Variants in ITSN1 observed in about 807,000 individuals in gnomAD.
ITSN1 encodes the protein intersectin-1.
ITSN1 carries 58 observed loss-of-function variants against 239.8 expected under a neutral mutation model. The observed-to-expected ratio is 0.24, with a 90% CI of 0.20 to 0.30. The LOEUF is 0.30. Ranked by LOEUF, ITSN1 falls within the 10% of genes least tolerant of loss-of-function variation. The pLI is 1.00. For synonymous variants in ITSN1, 780 were observed against 770.8 expected (o/e 1.01, Z -0.20); for missense variants, 1,558 against 2,103.3 (o/e 0.74, Z 5.07).
intron 1 of ITSN1, among the ~76,000 whole-genome samples, chr21:33,678,269 C>T (rs2090718549): frequency 2.0e-5 from 3 of 152,150 alleles, no homozygotes; most frequent in Non-Finnish European, 4.4e-5. Context: ...CTTGACTATC[C>T]CCAGGCACAT....
intron 21 of ITSN1, among the ~76,000 whole-genome samples, chr21:33,813,416 G>A (rs1054592615): frequency 6.6e-6 from 1 of 150,836 alleles, no homozygotes; most frequent in African/African-American, 2.4e-5. Flanking sequence ...ACAGTGATGC[G>A]ATCCTGGCTC....
Position 33,799,890 on chromosome 21 carries a change from C to T in ITSN1, c.2265C>T (p.Ser755=). 6.2e-7 allele frequency: 1 copy of T among 1,613,924 alleles called. No individual in the cohort carries two copies. The highest frequency in any genetic ancestry group is 1.1e-5 in the South Asian group (1 of 91,052). The change falls in exon 19 of 40, where the codon AGC becomes AGT. Residue 755 remains serine (S), a synonymous_variant. Coordinates refer to ENST00000381318, the MANE Select transcript of ITSN1 (RefSeq NM_003024.3). Reference sequence around the variant, plus strand: ...CACTGTACCCCTTTGAATCCAGAAGCCATGATGAAATCACTATCCAGCCAG... The same window carrying T: ...CACTGTACCCCTTTGAATCCAGAAGTCATGATGAAATCACTATCCAGCCAG... ...YRALYPFESR[S]HDEITIQPGD...
chr21:33,829,073 G>T, intron 26 of ITSN1: 1 of 454,958 alleles, frequency 2.2e-6, no homozygotes, highest in Non-Finnish European at 4.5e-6. Flanking sequence ...GAAGAAGGCT[G>T]TGTCGTTGGG....
intron 1 of ITSN1, among the ~76,000 whole-genome samples, chr21:33,717,183 C>CA (rs2147040436): frequency 6.6e-6 from 1 of 151,280 alleles, no homozygotes; most frequent in South Asian, 2.1e-4. Context: ...ATTTAGTACT[C>CA]ATTCTTTTTT....
chr21:33,676,492 C>T (rs1040076511), intron 1 of ITSN1, among the ~76,000 whole-genome samples: 28 of 152,142 alleles, frequency 1.8e-4, no homozygotes, highest in Admixed American at 1.5e-3. Context: ...CCTTTCAAAG[C>T]GCTGGGATTA....
intron 1 of ITSN1, among the ~76,000 whole-genome samples, chr21:33,697,664 G>A (rs898363240): frequency 6.6e-6 from 1 of 151,942 alleles, no homozygotes; most frequent in Non-Finnish European, 1.5e-5. Context: ...GATTTGAAAG[G>A]CTCTTATCTC....
intron 18 of ITSN1, among the ~76,000 whole-genome samples, chr21:33,798,649 T>G (rs2071746985): frequency 6.6e-6 from 1 of 152,180 alleles, no homozygotes; most frequent in African/African-American, 2.4e-5. Flanking sequence ...TCCATGTGCT[T>G]CTTTAGTGCT....
chr21:33,770,000 C>T (rs2069021183), intron 11 of ITSN1, among the ~76,000 whole-genome samples: 1 of 151,858 alleles, frequency 6.6e-6, no homozygotes, highest in South Asian at 2.1e-4. Context: ...GCTCGGCAGT[C>T]CCTGTCTTTT....
intron 33 of ITSN1, among the ~76,000 whole-genome samples, chr21:33,869,706 G>C (rs543169404): frequency 2.0e-5 from 3 of 152,252 alleles, no homozygotes; most frequent in South Asian, 4.1e-4. Context: ...CTGGAAAGAG[G>C]TTTTAGATCT....
intron 20 of ITSN1, among the ~76,000 whole-genome samples, chr21:33,806,549 G>A (rs1246964629): frequency 2.0e-5 from 3 of 152,258 alleles, no homozygotes; most frequent in African/African-American, 7.2e-5. Flanking sequence ...ACTTGAAGCT[G>A]AAGTGGCTGC....
chr21:33,886,512 C>CCAGGGAAGGA, intron 39 of ITSN1, 52 bp downstream of exon 39: 1 of 1,457,320 alleles, frequency 6.9e-7, no homozygotes, highest in Non-Finnish European at 9.2e-7. Context: ...CACTCGTTTG[C>CCAGGGAAGGA]GTGGGTTAAT....
intron 7 of ITSN1, 90 bp downstream of exon 7, chr21:33,751,996 T>G: frequency 1.1e-6 from 1 of 875,072 alleles, no homozygotes; most frequent in Admixed American, 2.3e-5. Flanking sequence ...TATATTCTTT[T>G]TGTTGTTGTC....
Position 33,865,770 on chromosome 21 carries a change from G to C in ITSN1, c.4074+436G>C, listed in dbSNP as rs1981461493. On this transcript the variant is annotated intron_variant, in intron 32 of 39. Coordinates refer to ENST00000381318, the MANE Select transcript of ITSN1 (RefSeq NM_003024.3). This position sits in a 1 kb window ranked among gnomAD's most constrained non-coding sequence, Gnocchi z 4.4. ...GGCCCCTTCATTCCTTTCGCAGTTG[G>C]TTCTGCTTGATGTGCTCCCGCCTTA... Among the ~76,000 whole-genome samples the C allele has an allele frequency of 6.6e-6, 1 of 152,114 alleles. No homozygotes were observed. The highest frequency in any genetic ancestry group is 2.1e-4 in the South Asian group (1 of 4,830).
intron 7 of ITSN1, among the ~76,000 whole-genome samples, chr21:33,753,312 T>G (rs766187845): frequency 3.3e-5 from 5 of 152,208 alleles, no homozygotes; most frequent in Admixed American, 2.6e-4. Flanking sequence ...ATTAATCCTA[T>G]TCAACCCCAT....
Position 33,781,824 on chromosome 21 carries a change from C to T in ITSN1, c.1685-170C>T, listed in dbSNP as rs114134700. On this transcript the variant is annotated intron_variant, in intron 15 of 39. Coordinates refer to ENST00000381318, the MANE Select transcript of ITSN1 (RefSeq NM_003024.3). ...GAACTCCTGACCCCAGGTGATCCAT[C>T]CACTTTGGTTCCCCAAAGTGCTGGG... Among the ~76,000 whole-genome samples, 1,110 of 152,282 alleles carry T rather than the reference C, an allele frequency of 7.3e-3. 8 individuals carry two copies. The highest frequency in any genetic ancestry group is 0.025 in the African/African-American group (1,050 of 41,546).
chr21:33,813,778 G>T (rs1006253970), intron 21 of ITSN1, 135 bp from the exon 22 acceptor site: 31 of 566,010 alleles, frequency 5.5e-5, no homozygotes, highest in South Asian at 1.8e-4. Context: ...TTATTTTTTT[G>T]GTACTTTACT....
intron 1 of ITSN1, among the ~76,000 whole-genome samples, chr21:33,672,162 G>C (rs1287344833): frequency 6.6e-6 from 1 of 151,812 alleles, no homozygotes; most frequent in East Asian, 1.9e-4. Context: ...AGAATCGCTT[G>C]AACCTGGGAG....
intron 1 of ITSN1, among the ~76,000 whole-genome samples, chr21:33,690,790 C>CATATATATAT (rs1167375498): frequency 7.7e-5 from 1 of 12,964 alleles, no homozygotes; most frequent in South Asian, 2.2e-3. Flanking sequence ...TATATATATA[C>CATATATATAT]ATATATATAT....
chr21:33,875,119 T>G (rs1309210884), intron 33 of ITSN1, among the ~76,000 whole-genome samples: 1 of 152,168 alleles, frequency 6.6e-6, no homozygotes, highest in Non-Finnish European at 1.5e-5. Context: ...GACTGAGACC[T>G]CAAGGATGGG....
Sources: allele counts gnomAD v4.1 joint callset (sites outside exome capture counted in the v4.1 genomes callset), GRCh38; gene constraint gnomAD v4.1.1; non-coding constraint Gnocchi (gnomAD v3.1); transcripts MANE v1.5; gene names NCBI Gene and HGNC (gene_info 2026-07-23, HGNC 2026-07-21).